SYTL4: variants seen among roughly 807,000 people sequenced by gnomAD.
SYTL4 encodes synaptotagmin-like protein 4.
In SYTL4, 16 loss-of-function variants were observed where a neutral mutation model predicts 52.7. The observed-to-expected ratio is 0.30, with a 90% confidence interval of 0.21 to 0.46. SYTL4 has a LOEUF of 0.46. Among genes scored for constraint, SYTL4 ranks in the 20% least tolerant of loss-of-function variants. The pLI, the probability that SYTL4 is intolerant of heterozygous loss-of-function variation, is 1.00. For synonymous variants in SYTL4, 160 were observed against 186.6 expected (o/e 0.86, Z 1.16); for missense variants, 423 against 519.9 (o/e 0.81, Z 1.81).
At chrX:100,724,014 TG>T (rs1320867513) in intron 2 of SYTL4, among the ~76,000 whole-genome samples, 13 of 60,172 alleles carry the variant, frequency 2.2e-4, no homozygotes, top group Admixed American at 3.7e-4. Flanking sequence ...GGGAGGGAGG[TG>T]GGGGGGGTCA....
chrX:100,699,551 C>T (rs1477629817), intron 8 of SYTL4, among the ~76,000 whole-genome samples: 1 of 80,378 alleles, frequency 1.2e-5, no homozygotes, highest in Admixed American at 1.5e-4. Context: ...TGCAATGGCG[C>T]GATCTCGGCT....
intron 19 of SYTL4, 45 bp from the exon 20 acceptor site, chrX:100,676,221 A>G: frequency 8.4e-7 from 1 of 1,194,297 alleles, no homozygotes; most frequent in Non-Finnish European, 1.1e-6. Context: ...CCCCACTCTC[A>G]GCCCACCAGG....
chrX:100,716,512 ACCAAATCCAGAGTATATGGTGGTCTGC>A, intron 2 of SYTL4, among the ~76,000 whole-genome samples: 1 of 98,843 alleles, frequency 1.0e-5, no homozygotes, highest in Non-Finnish European at 2.0e-5. Context: ...GAAAAATGAA[ACCAAATCCAGAGTATATGGTGGTCTGC>A]AAAACTTAAA....
At chrX:100,689,743 T>C (rs1217036751) in intron 12 of SYTL4, 113 bp downstream of exon 12, 1 of 424,423 alleles carries the variant, frequency 2.4e-6, no homozygotes, top group African/African-American at 2.5e-5. Context: ...TCAAGTTTCA[T>C]GTTGCCTTTT....
chrX:100,698,382 A>T (rs373725434), intron 8 of SYTL4, among the ~76,000 whole-genome samples: 1 of 112,014 alleles, frequency 8.9e-6, no homozygotes, highest in South Asian at 3.8e-4. Flanking sequence ...GGATTACAGG[A>T]GTGAGCCACT....
intron 2 of SYTL4, among the ~76,000 whole-genome samples, chrX:100,723,861 C>T (rs1396916731): frequency 7.4e-5 from 8 of 108,656 alleles, no homozygotes; most frequent in Admixed American, 4.7e-4. Context: ...CCACCCCGTC[C>T]GGGAGGGAGG....
At chrX:100,682,005 T>C (rs775461660) in intron 16 of SYTL4, among the ~76,000 whole-genome samples, 49 of 112,397 alleles carry the variant, frequency 4.4e-4, no homozygotes, top group Non-Finnish European at 7.5e-4. Flanking sequence ...ATAAGTACTT[T>C]AGGTGTATCA....
In SYTL4 at chrX:100,702,935, C is replaced by T. The variant is rs957675078; in HGVS notation, c.-71+158G>A. Among the ~76,000 whole-genome samples the T allele has an allele frequency of 8.0e-5, 9 of 112,210 alleles. No homozygotes were observed. The East Asian group carries it at 2.5e-3, about 31-fold the overall frequency. On this transcript the variant is annotated intron_variant, in intron 4 of 19. Coordinates refer to ENST00000372989, the MANE Select transcript of SYTL4 (RefSeq NM_001370165.1). Reference sequence around the variant, plus strand: ...TAGAGAGAGGAAAGAGAGCAGTATACATGGGAAATTTCACAGAAGAGGTGG... The same window carrying T: ...TAGAGAGAGGAAAGAGAGCAGTATATATGGGAAATTTCACAGAAGAGGTGG...
chrX:100,687,961 C>T (rs1339596806), intron 13 of SYTL4: 1 of 131,429 alleles, frequency 7.6e-6, no homozygotes, highest in East Asian at 2.2e-4. Flanking sequence ...ACCCTGATGT[C>T]GATCAACCCT....
chrX:100,718,038 A>T (rs1227834327), intron 2 of SYTL4, among the ~76,000 whole-genome samples: 1 of 112,098 alleles, frequency 8.9e-6, no homozygotes, highest in South Asian at 3.8e-4. Flanking sequence ...AAAAATGAGG[A>T]TTAATAATAA....
At position 100,691,134 on chromosome X, in the gene SYTL4, G is replaced by A; in HGVS notation, c.615C>T (p.Phe205=). 8.3e-7 allele frequency: 1 copy of A among 1,208,036 alleles called. No individual in the cohort carries two copies. Among genetic ancestry groups the A allele is most frequent in the East Asian group, 3.0e-5 (1 of 33,776 alleles). Residue 205 remains phenylalanine, a synonymous_variant, in exon 9 of 20, where the codon TTC becomes TTT. Coordinates refer to ENST00000372989, the MANE Select transcript of SYTL4 (RefSeq NM_001370165.1). ...TGGAGGTGCTATCCGAGTCAGCTGTGAAGCTATCCAGACTCTCACTCTCAG... is the reference window on the plus strand; with the variant it reads ...TGGAGGTGCTATCCGAGTCAGCTGTAAAGCTATCCAGACTCTCACTCTCAG... ...LEAESESLDS[F]TADSDSTSRR... is the part of the protein sequence containing the mutation.
In SYTL4 at chrX:100,676,134, C is replaced by A. The variant is rs868291409; in HGVS notation, c.1910G>T (p.Gly637Val). 8.3e-7 allele frequency: 1 copy of A among 1,211,082 alleles called. No homozygotes were observed. The highest frequency in any genetic ancestry group is 1.7e-5 in the African/African-American group (1 of 57,535). The change falls in exon 20 of 20, where the codon GGG becomes GTG. Residue 637 changes from glycine (G) to valine (V), a missense_variant. Physicochemically the swap from Gly to Val is moderately radical, Grantham distance 109 (BLOSUM62 -3). Coordinates refer to ENST00000372989, the MANE Select transcript of SYTL4 (RefSeq NM_001370165.1). ...GEVVDWMDST[G>V]EEVSLWQKMR... ...CTTCTGCCACAGGCTCACTTCTTCCCCAGTCGAGTCCATCCAGTCCACCAC... is the reference window on the plus strand; with the variant it reads ...CTTCTGCCACAGGCTCACTTCTTCCACAGTCGAGTCCATCCAGTCCACCAC...
intron 2 of SYTL4, among the ~76,000 whole-genome samples, chrX:100,721,158 T>C: frequency 8.9e-6 from 1 of 112,055 alleles, no homozygotes; most frequent in Non-Finnish European, 1.9e-5. Context: ...TATATTTGTT[T>C]ATTTTCAATA....
chrX:100,676,902 A>G (rs2083288186), intron 19 of SYTL4, among the ~76,000 whole-genome samples: 1 of 111,643 alleles, frequency 9.0e-6, no homozygotes, highest in Non-Finnish European at 1.9e-5. Context: ...AATTCAGCAA[A>G]CATTTATTGA....
intron 8 of SYTL4, among the ~76,000 whole-genome samples, chrX:100,700,340 T>C (rs2083820704): frequency 8.9e-6 from 1 of 112,325 alleles, no homozygotes; most frequent in African/African-American, 3.2e-5. Context: ...TAACAACTAA[T>C]ATCTTTTACT....
intron 2 of SYTL4, among the ~76,000 whole-genome samples, chrX:100,730,452 C>T (rs937637128): frequency 6.3e-5 from 7 of 111,376 alleles, no homozygotes; most frequent in African/African-American, 2.3e-4. Context: ...GCTCTGCCTC[C>T]GAGATTTTGA....
chrX:100,682,071 G>C (rs1356070255), intron 16 of SYTL4, among the ~76,000 whole-genome samples: 2 of 111,661 alleles, frequency 1.8e-5, no homozygotes, highest in Non-Finnish European at 3.8e-5. Flanking sequence ...TTTTACAACT[G>C]ATGGAAGAGA....
At chrX:100,686,599 G>C in intron 15 of SYTL4, 80 bp downstream of exon 15, 1 of 718,261 alleles carries the variant, frequency 1.4e-6, no homozygotes, top group Non-Finnish European at 2.1e-6. Flanking sequence ...CGTGTCACCT[G>C]GTCATGTTGC....
At chrX:100,686,574 T>C (rs1044235426) in intron 15 of SYTL4, 105 bp downstream of exon 15, 1 of 536,447 alleles carries the variant, frequency 1.9e-6, no homozygotes, top group Non-Finnish European at 3.1e-6. Context: ...GACACAGACA[T>C]GGCCCACTGA....
Sources: allele counts gnomAD v4.1 joint callset (sites outside exome capture counted in the v4.1 genomes callset), GRCh38; gene constraint gnomAD v4.1.1; transcripts MANE v1.5; gene names NCBI Gene and HGNC (gene_info 2026-07-23, HGNC 2026-07-21).